Variants in SBSN observed in about 807,000 individuals in gnomAD.
The protein encoded by SBSN is HLAR698.
SBSN carries 33 observed loss-of-function variants against 42.8 expected under a neutral mutation model. The observed-to-expected ratio is 0.77, with a 90% confidence interval of 0.58 to 1.03. The LOEUF is 1.03. SBSN is among the 50% of genes least tolerant of loss of function. The pLI is 0.00. For missense variants in SBSN, 646 were observed against 757.3 expected, an observed-to-expected ratio of 0.85 and a Z score of 1.72; for synonymous variants, 276 against 307.0, an observed-to-expected ratio of 0.90 and a Z score of 1.06.
Position 35,528,131 on chromosome 19 carries a change from G to A in SBSN, c.151C>T (p.Leu51=). 6.2e-7 allele frequency: 1 copy of A among 1,613,984 alleles called. No homozygotes were observed. Among genetic ancestry groups the A allele is most frequent in the Non-Finnish European group, 8.5e-7 (1 of 1,180,022 alleles). Residue 51 remains leucine (L), a synonymous_variant, in exon 1 of 4, where the codon CTG becomes TTG. Coordinates refer to ENST00000452271, the MANE Select transcript of SBSN (RefSeq NM_001166034.2). ...GTGATTCCACTGTTGATGCCATCCA[G>A]GGCCTTGCCCACCTCTCTCTCTGCA... The part of the protein sequence containing the change: ...SNAEREVGKA[L]DGINSGITHA...
At chr19:35,524,623 G>T (rs1568671223) in intron 3 of SBSN, 88 bp downstream of exon 3, 4 of 1,441,516 alleles carry the variant, frequency 2.8e-6, no homozygotes, top group Non-Finnish European at 3.9e-6. Flanking sequence ...CCCGCCCGGG[G>T]AGCTGTCCAA....
chr19:35,524,928 T>C lies in SBSN; in HGVS notation c.1639-4A>G, dbSNP rs1361582044. ...AAGATCCGCTTTGATGGTTGCCCTG[T>C]GGACAAAGCCCAGACTCTTGTTACA... On this transcript the variant is annotated splice_polypyrimidine_tract_variant and splice_region_variant and intron_variant, in intron 1 of 3. Coordinates refer to ENST00000452271, the MANE Select transcript of SBSN (RefSeq NM_001166034.2). The C allele has an allele frequency of 1.2e-6, 2 of 1,613,788 alleles. No homozygotes were observed. Among genetic ancestry groups the C allele is most frequent in the African/African-American group, 2.7e-5 (2 of 74,890 alleles).
chr19:35,524,979 A>G lies in SBSN; in HGVS notation c.1639-55T>C, dbSNP rs370184045. 4.0e-4 allele frequency: 638 copies of G among 1,588,188 alleles called. 2 individuals are homozygous for G. The African/African-American group carries it at 8.0e-3, about 20-fold the overall frequency. ...ACCCCACAAACGCGGAGGGTCTCCC[A>G]GTTCCTTTTCCCCAGGGACCTGGTC... On this transcript the variant is annotated intron_variant, in intron 1 of 3. Coordinates refer to ENST00000452271, the MANE Select transcript of SBSN (RefSeq NM_001166034.2).
At position 35,526,919 on chromosome 19, in the gene SBSN, C is replaced by A. The variant is rs1300728598; in HGVS notation, c.1363G>T (p.Ala455Ser). The change falls in exon 1 of 4, where the codon GCA becomes TCA. Residue 455 changes from alanine (A) to serine (S), a missense_variant. Around this residue, in one of 3 missense-constraint regions of SBSN, gnomAD observed 236 missense variants for 225.6 expected, o/e 1.05. Coordinates refer to ENST00000452271, the MANE Select transcript of SBSN (RefSeq NM_001166034.2). ...QPGVHEAGKEAGQFGQGVHHT... is the reference protein window; with the variant it reads ...QPGVHEAGKESGQFGQGVHHT... Reference sequence around the variant, plus strand: ...TGAACTCCCTGGCCAAACTGCCCTGCCTCCTTCCCGGCCTCGTGGACCCCA... The same window carrying A: ...TGAACTCCCTGGCCAAACTGCCCTGACTCCTTCCCGGCCTCGTGGACCCCA... 2 of 1,604,758 alleles carry A rather than the reference C, an allele frequency of 1.2e-6. No individual in the cohort carries two copies.
Position 35,528,092 on chromosome 19 carries a change from C to G in SBSN, c.190G>C (p.Glu64Gln), listed in dbSNP as rs562644287. The G allele has an allele frequency of 4.6e-5, 74 of 1,614,070 alleles. No homozygotes were observed. The East Asian group carries it at 1.6e-3, about 35-fold the overall frequency. Residue 64 changes from glutamate to glutamine, a missense_variant, in exon 1 of 4, where the codon GAA becomes CAA. Physicochemically the swap from Glu to Gln is conservative, Grantham distance 29. This residue lies in a region of SBSN where 190 missense variants were observed against 197.1 expected (regional missense o/e 0.96). Coordinates refer to ENST00000452271, the MANE Select transcript of SBSN (RefSeq NM_001166034.2). ...AGTCCGTTGAAAACCTTCTCCACTTCCCTTCCGGCATGCGTGATTCCACTG... is the reference window on the plus strand; with the variant it reads ...AGTCCGTTGAAAACCTTCTCCACTTGCCTTCCGGCATGCGTGATTCCACTG... Reference protein sequence around the residue: ...INSGITHAGREVEKVFNGLSN... With the variant: ...INSGITHAGRQVEKVFNGLSN...
At position 35,526,552 on chromosome 19, in the gene SBSN, C is replaced by T. The variant is rs917994426; in HGVS notation, c.1638+92G>A. 9.3e-6 allele frequency: 11 copies of T among 1,178,228 alleles called. No homozygotes were observed. In the East Asian group the frequency reaches 1.5e-4, roughly 16 times the overall value. 73.0% of individuals were successfully genotyped at this position (1,178,228 alleles called of 1,614,324 possible). On this transcript the variant is annotated intron_variant, in intron 1 of 3. Transcript: ENST00000452271. ...CTTCTTTCACCAAACAAAGGCTACG[C>T]GGACCCCCCCGCCCCGCCAAATGTC...
In SBSN at chr19:35,528,237, T is replaced by A. The variant is rs371566381; in HGVS notation, c.45A>T (p.Leu15=). ...CCGCCCATCCAGACAGGGCCCCCAG[T>A]AGCAGAAGGAGGGAGCAGGAGCCGA... ...RLVGSCSLLL[L]LGALSGWAAS... Residue 15 remains leucine (L), a synonymous_variant, in exon 1 of 4, where the codon CTA becomes CTT. Coordinates refer to ENST00000452271, the MANE Select transcript of SBSN (RefSeq NM_001166034.2). 3 of 1,613,458 alleles carry A rather than the reference T, an allele frequency of 1.9e-6. No individual in the cohort carries two copies. Among genetic ancestry groups the A allele is most frequent in the Non-Finnish European group, 2.5e-6 (3 of 1,179,952 alleles).
Position 35,528,260 on chromosome 19 carries a change from C to G in SBSN, c.22G>C (p.Gly8Arg). The G allele has an allele frequency of 6.2e-7, 1 of 1,611,636 alleles. No individual in the cohort carries two copies. MHLARLV[G>R]SCSLLLLLGA... ...AGTAGCAGAAGGAGGGAGCAGGAGC[C>G]GACCAGACGTGCAAGATGCATATTG... The change falls in exon 1 of 4, where the codon GGC becomes CGC. Residue 8 changes from glycine (G) to arginine (R), a missense_variant. Physicochemically the swap from Gly to Arg is moderately radical, Grantham distance 125. Transcript: ENST00000452271.
intron 1 of SBSN, among the ~76,000 whole-genome samples, chr19:35,525,559 T>C (rs969502265): frequency 1.4e-4 from 21 of 148,376 alleles, no homozygotes; most frequent in Non-Finnish European, 2.7e-4. Flanking sequence ...TCATGGAGCC[T>C]GGAGAGTGAG....
chr19:35,527,297 C>T lies in SBSN; in HGVS notation c.985G>A (p.Ala329Thr), dbSNP rs1455606494. 1 of 1,529,856 alleles carries T rather than the reference C, an allele frequency of 6.5e-7. No homozygotes were observed. The highest frequency in any genetic ancestry group is 2.5e-5 in the East Asian group (1 of 40,048). 94.8% of individuals were successfully genotyped at this position (1,529,856 alleles called of 1,614,324 possible). ...TGGACCCCCTGGCCAAACCTCCCAG[C>T]CTCATTTCCGGCCTGCCCCGCAGCA... is the stretch of plus-strand genomic sequence containing the variant. ...HHAAGQAGNE[A>T]GRFGQGVHHG... The change falls in exon 1 of 4, where the codon GCT becomes ACT. Residue 329 changes from alanine (A) to threonine (T), a missense_variant. By Grantham distance (58) the Ala-to-Thr change is moderately conservative. Around this residue, in one of 3 missense-constraint regions of SBSN, gnomAD observed 220 missense variants for 334.5 expected, o/e 0.66. Coordinates refer to ENST00000452271, the MANE Select transcript of SBSN (RefSeq NM_001166034.2).
intron 3 of SBSN, among the ~76,000 whole-genome samples, 189 bp downstream of exon 3, chr19:35,524,522 G>A (rs1052422013): frequency 2.0e-5 from 3 of 152,050 alleles, no homozygotes; most frequent in Non-Finnish European, 4.4e-5. Context: ...AAAAGATGAG[G>A]GCAGGGTGCA....
At chr19:35,524,123 C>T (rs1345482574) in intron 3 of SBSN, among the ~76,000 whole-genome samples, 2 of 152,184 alleles carry the variant, frequency 1.3e-5, no homozygotes, top group East Asian at 1.9e-4. Context: ...GAGGTTGCAG[C>T]GAGCTGAGAT....
rs1321103413 is a variant in SBSN at position 35,527,631 on chromosome 19, G to C, written c.651C>G (p.Gly217=). 1.3e-6 allele frequency: 2 copies of C among 1,524,696 alleles called. No individual in the cohort carries two copies. The highest frequency in any genetic ancestry group is 1.7e-6 in the Non-Finnish European group (2 of 1,145,258). The allele number at this position is 1,524,696 out of a possible 1,614,324, so 94.4% of individuals were successfully genotyped here. ...GQGAHHGLSE[G]WKETEKFGQG... is the part of the protein sequence containing the mutation. ...GGCCAAACTTCTCTGTCTCCTTCCA[G>C]CCCTCACTGAGACCATGGTGGGCCC... Residue 217 remains glycine (G), a synonymous_variant, in exon 1 of 4, where the codon GGC becomes GGG. Transcript: ENST00000452271.
Position 35,526,819 on chromosome 19 carries a change from C to A in SBSN, c.1463G>T (p.Gly488Val), listed in dbSNP as rs1408212094. The A allele has an allele frequency of 6.2e-7, 1 of 1,613,760 alleles. No homozygotes were observed. Among genetic ancestry groups the A allele is most frequent in the African/African-American group, 1.3e-5 (1 of 74,796 alleles). ...QGFHTGVHQA[G>V]KEAEKLGQGV... Reference sequence around the variant, plus strand: ...TTGGCCAAGTTTCTCTGCTTCCTTCCCAGCCTGGTGGACCCCAGTGTGGAA... The same window carrying A: ...TTGGCCAAGTTTCTCTGCTTCCTTCACAGCCTGGTGGACCCCAGTGTGGAA... The change falls in exon 1 of 4, where the codon GGG becomes GTG. Residue 488 changes from glycine to valine, a missense_variant. Physicochemically the swap from Gly to Val is moderately radical, Grantham distance 109 (BLOSUM62 -3). This residue lies in a region of SBSN where 236 missense variants were observed against 225.6 expected (regional missense o/e 1.05). Coordinates refer to ENST00000452271, the MANE Select transcript of SBSN (RefSeq NM_001166034.2).
intron 1 of SBSN, among the ~76,000 whole-genome samples, chr19:35,525,796 C>T (rs1331266992): frequency 6.6e-6 from 1 of 152,194 alleles, no homozygotes; most frequent in African/African-American, 2.4e-5. Flanking sequence ...GATTCTCCTG[C>T]CTCAGCCTTC....
intron 1 of SBSN, among the ~76,000 whole-genome samples, chr19:35,525,465 AC>A (rs1482748882): frequency 1.4e-5 from 1 of 72,878 alleles, no homozygotes; most frequent in East Asian, 4.2e-4. Context: ...CTCCCCACCC[AC>A]CCATCCCTGG....
chr19:35,526,583 G>T (rs1430298139), intron 1 of SBSN, 61 bp downstream of exon 1: 3 of 955,924 alleles, frequency 3.1e-6, no homozygotes, highest in Non-Finnish European at 4.5e-6. Flanking sequence ...ATGTCCCAGG[G>T]GTTTAACCTT....
chr19:35,524,568 G>A lies in SBSN; in HGVS notation c.1749+143C>T, dbSNP rs2071346454. ...AGCAGGTGGAGAGAGGGAAGCCCAG[G>A]ACTGGGTATCAGGTTGGAGGGTCTT... On this transcript the variant is annotated intron_variant, in intron 3 of 3. Transcript: ENST00000452271. The A allele has an allele frequency of 4.0e-6, 3 of 749,164 alleles. No homozygotes were observed. The Admixed American group carries it at 7.0e-5, about 17-fold the overall frequency. 46.4% of individuals were successfully genotyped at this position (749,164 alleles called of 1,614,324 possible). A position where few individuals can be genotyped will look rare whatever the true frequency, so the allele number is the denominator to read the frequency against.
rs1223001944 is a variant in SBSN, at chr19:35,527,657, C to T, written c.625G>A (p.Gly209Arg). Residue 209 changes from glycine to arginine, a missense_variant, in exon 1 of 4, where the codon GGG (glycine) becomes AGG (arginine). Physicochemically the swap from Gly to Arg is moderately radical, Grantham distance 125. This residue lies in a region of SBSN where 220 missense variants were observed against 334.5 expected (regional missense o/e 0.66). Coordinates refer to ENST00000452271, the MANE Select transcript of SBSN (RefSeq NM_001166034.2). ...CCCTCACTGAGACCATGGTGGGCCC[C>T]CTGGCCAAATCTCCCAGCCTCATTT... ...AGNEAGRFGQ[G>R]AHHGLSEGWK... The T allele has an allele frequency of 2.6e-6, 4 of 1,540,486 alleles. No individual in the cohort carries two copies. Among genetic ancestry groups the T allele is most frequent in the Non-Finnish European group, 3.5e-6 (4 of 1,150,930 alleles).
Sources: gnomAD v4.1 joint callset for allele counts (sites outside exome capture counted in the v4.1 genomes callset) on GRCh38, gnomAD v4.1.1 for gene constraint, gnomAD v4.1.1 regional missense constraint, MANE v1.5 for transcripts, NCBI Gene and HGNC (gene_info 2026-07-23, HGNC 2026-07-21) for gene names.